The following ANOS1 variants were observed in gnomAD, a reference collection of about 807,000 sequenced individuals.
ANOS1 encodes anosmin-1.
A neutral mutation model predicts 59.0 loss-of-function variants in ANOS1; 6 were observed. That is an observed-to-expected ratio of 0.10 (90% CI 0.06 to 0.20). The LOEUF (loss-of-function observed/expected upper bound fraction) is 0.20. ANOS1 is among the 10% of genes least tolerant of loss of function. The pLI is 1.00. For missense variants in ANOS1, 433 were observed against 542.3 expected (o/e 0.80, Z 2.00); for synonymous variants, 217 against 223.4 (o/e 0.97, Z 0.25).
intron 1 of ANOS1, among the ~76,000 whole-genome samples, chrX:8,706,259 A>G (rs1423466181): frequency 2.7e-5 from 3 of 112,260 alleles, no homozygotes; most frequent in Non-Finnish European, 3.8e-5. Flanking sequence ...CAGCTAAGGA[A>G]CTAGTCAGTC....
intron 2 of ANOS1, among the ~76,000 whole-genome samples, chrX:8,658,840 C>A (rs1202382460): frequency 8.9e-6 from 1 of 111,747 alleles, no homozygotes; most frequent in East Asian, 2.8e-4. Flanking sequence ...GTAATCCCAG[C>A]ACTTTGGGAG....
intron 4 of ANOS1, among the ~76,000 whole-genome samples, chrX:8,594,853 T>C (rs1465445327): frequency 3.9e-5 from 4 of 103,151 alleles, no homozygotes; most frequent in African/African-American, 1.4e-4. Flanking sequence ...CTGTTTATTC[T>C]ATTTGTAGTT....
At position 8,531,766 on chromosome X, in the gene ANOS1, C is replaced by T. The variant is rs553714585; in HGVS notation, c.*1229G>A. 9 of 110,830 alleles carry T rather than the reference C, an allele frequency of 8.1e-5. No homozygotes were observed. In the South Asian group the frequency reaches 2.7e-3, roughly 33 times the overall value. The allele number at this position is 110,830 out of a possible 1,213,427, so 9.1% of individuals were successfully genotyped here. On this transcript the variant is annotated 3_prime_UTR_variant, in exon 14 of 14. Transcript: ENST00000262648. ...AATTATATAGACATGCATATCTATGCACATTTCAAACCATGTATGTGAGTA... is the reference window on the plus strand; with the variant it reads ...AATTATATAGACATGCATATCTATGTACATTTCAAACCATGTATGTGAGTA...
At chrX:8,719,295 G>A (rs1932860034) in intron 1 of ANOS1, among the ~76,000 whole-genome samples, 1 of 112,337 alleles carries the variant, frequency 8.9e-6, no homozygotes. Flanking sequence ...TAAAGACAAG[G>A]ACTGGGATAT....
chrX:8,587,666 T>C, intron 5 of ANOS1, 128 bp downstream of exon 5: 1 of 527,809 alleles, frequency 1.9e-6, no homozygotes, highest in Non-Finnish European at 3.2e-6. Context: ...ATGATGTTCA[T>C]TTCATATCTG....
At chrX:8,624,704 T>C (rs1931362176) in intron 2 of ANOS1, among the ~76,000 whole-genome samples, 2 of 111,231 alleles carry the variant, frequency 1.8e-5, no homozygotes, top group Non-Finnish European at 3.8e-5. Context: ...AGAACGTTTG[T>C]AATAATAAAT....
chrX:8,615,642 A>T (rs1357677696), intron 3 of ANOS1, among the ~76,000 whole-genome samples: 4 of 111,139 alleles, frequency 3.6e-5, no homozygotes, highest in African/African-American at 1.3e-4. Context: ...TCAGCTGGTC[A>T]CCCTGATTCC....
At chrX:8,620,800 A>G (rs1442909094) in intron 3 of ANOS1, among the ~76,000 whole-genome samples, 1 of 111,917 alleles carries the variant, frequency 8.9e-6, no homozygotes, top group Admixed American at 9.5e-5. Flanking sequence ...CCACCTTTCA[A>G]GTTTCAATTA....
At position 8,710,804 on chromosome X, in the gene ANOS1, TTAAC is replaced by T. The variant is rs752197567; in HGVS notation, c.208-11063_208-11060del. On this transcript the variant is annotated intron_variant, in intron 1 of 13. Transcript: ENST00000262648. Reference sequence around the variant, plus strand: ...TGCCTGCTAATATTTTATTCTCTGATTAACTAATTCATCTAGTAACTCTCTCCAA... The same window carrying T: ...TGCCTGCTAATATTTTATTCTCTGATTAATTCATCTAGTAACTCTCTCCAA... 2.1e-4 allele frequency among the ~76,000 whole-genome samples: 24 copies of T among 112,312 alleles called. No individual in the cohort carries two copies. In the East Asian group the frequency reaches 5.3e-3, roughly 25 times the overall value.
chrX:8,709,261 T>G (rs1185683587), intron 1 of ANOS1, among the ~76,000 whole-genome samples: 2 of 104,427 alleles, frequency 1.9e-5, no homozygotes, highest in African/African-American at 3.5e-5. Flanking sequence ...GAACTTAAAG[T>G]GTAATTAAAA....
chrX:8,593,686 C>T (rs187053488), intron 4 of ANOS1, among the ~76,000 whole-genome samples: 2 of 111,538 alleles, frequency 1.8e-5, no homozygotes, highest in Admixed American at 1.9e-4. Flanking sequence ...GATTTAGATA[C>T]ATTTTGGGAC....
intron 1 of ANOS1, among the ~76,000 whole-genome samples, chrX:8,705,472 G>A (rs1443958178): frequency 1.8e-5 from 2 of 111,203 alleles, no homozygotes; most frequent in Non-Finnish European, 3.8e-5. Context: ...GCTTTTACCT[G>A]TATCAGTCAT....
chrX:8,538,819 T>G (rs1468603674), intron 10 of ANOS1, among the ~76,000 whole-genome samples: 2 of 112,043 alleles, frequency 1.8e-5, no homozygotes, highest in Admixed American at 1.9e-4. Flanking sequence ...GAAAATCCAG[T>G]GACTTGTTTT....
intron 2 of ANOS1, among the ~76,000 whole-genome samples, chrX:8,637,248 G>A (rs926627222): frequency 2.7e-5 from 3 of 111,882 alleles, no homozygotes; most frequent in African/African-American, 9.7e-5. Flanking sequence ...TTCATACTGT[G>A]GGCAATGCAA....
At chrX:8,695,613 C>A (rs1400447299) in intron 2 of ANOS1, among the ~76,000 whole-genome samples, 1 of 98,282 alleles carries the variant, frequency 1.0e-5, no homozygotes, top group East Asian at 3.2e-4. Context: ...AACATAAAAG[C>A]AAGAAAGAGA....
intron 1 of ANOS1, among the ~76,000 whole-genome samples, chrX:8,705,865 TA>T (rs1431531314): frequency 2.7e-5 from 3 of 112,626 alleles, no homozygotes; most frequent in African/African-American, 9.7e-5. Flanking sequence ...ACCATCATTG[TA>T]ACCTCCAGGT....
At chrX:8,537,749 CGTGTGTGT>C (rs202035920) in intron 10 of ANOS1, among the ~76,000 whole-genome samples, 5,115 of 94,677 alleles carry the variant, frequency 0.054, 336 homozygotes, top group African/African-American at 0.18. Context: ...ATGGTTTTTA[CGTGTGTGT>C]GTGTGTGTGT....
chrX:8,708,154 G>A (rs1306968293), intron 1 of ANOS1, among the ~76,000 whole-genome samples: 6 of 112,369 alleles, frequency 5.3e-5, no homozygotes, highest in Non-Finnish European at 9.4e-5. Flanking sequence ...AATCCAGGAG[G>A]CGGAGGTTGC....
intron 1 of ANOS1, among the ~76,000 whole-genome samples, chrX:8,700,589 T>C (rs57995628): frequency 0.11 from 12,049 of 112,040 alleles, 1,021 homozygotes; most frequent in African/African-American, 0.29. Flanking sequence ...AACATATGAT[T>C]ACAGACAAGA....
Sources: allele counts gnomAD v4.1 joint callset (sites outside exome capture counted in the v4.1 genomes callset), GRCh38; gene constraint gnomAD v4.1.1; transcripts MANE v1.5; gene names NCBI Gene and HGNC (gene_info 2026-07-23, HGNC 2026-07-21).